PPFIA1: variants seen among roughly 807,000 people sequenced by gnomAD.
The protein encoded by PPFIA1 is PPFI scaffold protein A1.
In PPFIA1, 25 loss-of-function variants were observed where a neutral mutation model predicts 149.9. The ratio of observed to expected loss-of-function variants is 0.17; its 90% CI spans 0.12 to 0.23. The LOEUF (loss-of-function observed/expected upper bound fraction) is 0.23. PPFIA1 is among the 10% of genes least tolerant of loss of function. PPFIA1 has a pLI of 1.00. For synonymous variants in PPFIA1, 549 were observed against 552.8 expected, an observed-to-expected ratio of 0.99 and a Z score of 0.10; for missense variants, 1,362 against 1,506.5, an observed-to-expected ratio of 0.90 and a Z score of 1.59.
chr11:70,338,537 T>G (rs1204233312), intron 13 of PPFIA1, 84 bp downstream of exon 13: 1 of 1,098,996 alleles, frequency 9.1e-7, no homozygotes, highest in Non-Finnish European at 1.4e-6. Context: ...TAACTGGATG[T>G]GGCTAATGGT....
chr11:70,278,880 G>A, intron 2 of PPFIA1: 1 of 510,146 alleles, frequency 2.0e-6, no homozygotes, highest in Non-Finnish European at 3.8e-6. Flanking sequence ...GAGTGTTTAG[G>A]GTCCTGAGAT....
At chr11:70,297,966 C>T (rs563563029) in intron 2 of PPFIA1, among the ~76,000 whole-genome samples, 1 of 152,276 alleles carries the variant, frequency 6.6e-6, no homozygotes, top group East Asian at 1.9e-4. Flanking sequence ...AGCTGTGCCT[C>T]GAGATCTGAA....
chr11:70,276,073 A>G (rs2050364842), intron 2 of PPFIA1, among the ~76,000 whole-genome samples: 2 of 152,144 alleles, frequency 1.3e-5, no homozygotes, highest in Non-Finnish European at 2.9e-5. Context: ...TGAGACAGTC[A>G]TGTGATTTTT....
intron 2 of PPFIA1, among the ~76,000 whole-genome samples, chr11:70,321,974 A>AT (rs1431059787): frequency 6.6e-6 from 1 of 152,186 alleles, no homozygotes; most frequent in Non-Finnish European, 1.5e-5. Flanking sequence ...GGTTCAAGCG[A>AT]TTCTCCTGTC....
At chr11:70,324,566 T>G (rs2054153317) in intron 3 of PPFIA1, 63 bp downstream of exon 3, 2 of 1,370,426 alleles carry the variant, frequency 1.5e-6, no homozygotes, top group African/African-American at 1.5e-5. Flanking sequence ...AGGGGCGGTG[T>G]GTCAAAACGA....
intron 2 of PPFIA1, among the ~76,000 whole-genome samples, chr11:70,294,028 C>T (rs1275955271): frequency 6.6e-6 from 1 of 150,890 alleles, no homozygotes; most frequent in African/African-American, 2.4e-5. Flanking sequence ...CCTCGACTTC[C>T]TGGGCTCGAG....
At chr11:70,302,247 G>T (rs2052533837) in intron 2 of PPFIA1, among the ~76,000 whole-genome samples, 1 of 152,214 alleles carries the variant, frequency 6.6e-6, no homozygotes, top group African/African-American at 2.4e-5. Context: ...TCGATTGGAG[G>T]AGGGAGCAGC....
Position 70,377,715 on chromosome 11 carries a change from C to T in PPFIA1, c.3385-315C>T, listed in dbSNP as rs935758633. Among the ~76,000 whole-genome samples, 11 of 152,140 alleles carry T rather than the reference C, an allele frequency of 7.2e-5. No individual in the cohort carries two copies. The East Asian group carries it at 1.5e-3, about 21-fold the overall frequency. On this transcript the variant is annotated intron_variant, in intron 25 of 27. Coordinates refer to ENST00000253925, the MANE Select transcript of PPFIA1 (RefSeq NM_003626.5). The stretch of plus-strand genomic sequence containing the variant: ...AAACTATTTTTAAGATAAATAAAAA[C>T]GTATTACGTTGCAAGAAAGTGATTC...
At chr11:70,357,762 T>C (rs2056427300) in intron 19 of PPFIA1, among the ~76,000 whole-genome samples, 2 of 152,114 alleles carry the variant, frequency 1.3e-5, no homozygotes, top group Non-Finnish European at 2.9e-5. Context: ...TAATTTTTTG[T>C]ATTTTTAGTA....
chr11:70,295,925 C>T (rs1186753905), intron 2 of PPFIA1, among the ~76,000 whole-genome samples: 3 of 150,080 alleles, frequency 2.0e-5, no homozygotes, highest in Non-Finnish European at 4.4e-5. Context: ...ACTTCTCAGA[C>T]GGGGCGGTTG....
chr11:70,272,146 A>G (rs2050131734), intron 1 of PPFIA1, 27 bp from the exon 2 acceptor site: 2 of 1,607,128 alleles, frequency 1.2e-6, no homozygotes, highest in South Asian at 2.2e-5. Context: ...GAGCTTAATT[A>G]CTGTAGCCTG....
chr11:70,377,952 T>C, intron 25 of PPFIA1, 78 bp from the exon 26 acceptor site: 1 of 1,158,660 alleles, frequency 8.6e-7, no homozygotes, highest in South Asian at 1.4e-5. Context: ...TCAGCAGTCA[T>C]TTTAAAGGAC....
At chr11:70,304,921 A>G (rs984085943) in intron 2 of PPFIA1, among the ~76,000 whole-genome samples, 22 of 152,162 alleles carry the variant, frequency 1.4e-4, no homozygotes, top group African/African-American at 5.3e-4. Context: ...ATGTTAATCA[A>G]GTGCCCTGCC....
intron 2 of PPFIA1, among the ~76,000 whole-genome samples, chr11:70,319,417 A>G (rs938855837): frequency 4.6e-5 from 7 of 152,236 alleles, no homozygotes; most frequent in Non-Finnish European, 1.0e-4. Flanking sequence ...GGCACGGCTC[A>G]TGAGAATCCT....
chr11:70,328,668 T>C (rs1438578269), intron 7 of PPFIA1, among the ~76,000 whole-genome samples: 1 of 152,102 alleles, frequency 6.6e-6, no homozygotes. Context: ...TCCACGATGG[T>C]TGAACTAATT....
chr11:70,332,339 A>G (rs1294857242), intron 9 of PPFIA1, among the ~76,000 whole-genome samples: 1 of 152,140 alleles, frequency 6.6e-6, no homozygotes, highest in East Asian at 1.9e-4. Flanking sequence ...GTGTGATCTG[A>G]GAGTTACTGC....
chr11:70,363,793 T>C (rs2056784101), intron 21 of PPFIA1, among the ~76,000 whole-genome samples: 1 of 151,478 alleles, frequency 6.6e-6, no homozygotes, highest in Non-Finnish European at 1.5e-5. Flanking sequence ...AAATTACAGG[T>C]GTGAGCCACC....
Position 70,372,349 on chromosome 11 carries a change from A to C in PPFIA1, c.3000A>C (p.Lys1000Asn). 1.2e-6 allele frequency: 2 copies of C among 1,614,250 alleles called. No homozygotes were observed. Among genetic ancestry groups the C allele is most frequent in the Non-Finnish European group, 1.7e-6 (2 of 1,180,044 alleles). The change falls in exon 22 of 28, where the codon AAA (lysine) becomes AAC (asparagine). Residue 1000 changes from lysine to asparagine, a missense_variant. Transcript: ENST00000253925. ...DARMLDHLTK[K>N]DLRGQLKMVD... Reference sequence around the variant, plus strand: ...GGATGCTGGACCACTTGACCAAGAAAGACCTTCGAGGGCAGCTGAAAATGG... The same window carrying C: ...GGATGCTGGACCACTTGACCAAGAACGACCTTCGAGGGCAGCTGAAAATGG...
At position 70,326,351 on chromosome 11, in the gene PPFIA1, C is replaced by T. The variant is rs141458298; in HGVS notation, c.696C>T (p.Ser232=). The part of the protein sequence containing the change: ...DINHEQENTP[S]TSGKRSSDGS... Reference sequence around the variant, plus strand: ...ACCATGAACAAGAAAATACACCAAGCACGAGTGGAAAGGCAAGTCTGTAGG... The same window carrying T: ...ACCATGAACAAGAAAATACACCAAGTACGAGTGGAAAGGCAAGTCTGTAGG... The change falls in exon 6 of 28, where the codon AGC becomes AGT. Residue 232 remains serine (S), a synonymous_variant. Transcript: ENST00000253925. 37 of 1,599,560 alleles carry T rather than the reference C, an allele frequency of 2.3e-5. No individual in the cohort carries two copies. The highest frequency in any genetic ancestry group is 2.8e-5 in the Non-Finnish European group (33 of 1,168,982).
Sources: gnomAD v4.1 joint callset for allele counts (sites outside exome capture counted in the v4.1 genomes callset) on GRCh38, gnomAD v4.1.1 for gene constraint, MANE v1.5 for transcripts, NCBI Gene and HGNC (gene_info 2026-07-23, HGNC 2026-07-21) for gene names.